The following POU6F1 variants were observed in gnomAD, a reference collection of about 807,000 sequenced individuals.
POU6F1 encodes POU domain, class 6, transcription factor 1.
Under a neutral mutation model 28.9 loss-of-function variants are expected in POU6F1, and 9 were observed. The ratio of observed to expected loss-of-function variants is 0.31; its 90% confidence interval spans 0.19 to 0.54. The LOEUF is 0.54. Ranked by LOEUF, POU6F1 falls within the 20% of genes least tolerant of loss-of-function variation. POU6F1 has a pLI of 0.94. For missense variants in POU6F1, 338 were observed against 426.1 expected, an observed-to-expected ratio of 0.79 and a Z score of 1.82; for synonymous variants, 173 against 171.1, an observed-to-expected ratio of 1.01 and a Z score of -0.09.
At chr12:51,197,049 CCGG>C in intron 6 of POU6F1, 122 bp from the exon 7 acceptor site, 2 of 600,808 alleles carry the variant, frequency 3.3e-6, no homozygotes, top group Admixed American at 2.9e-5. Flanking sequence ...CCCATGTCTA[CCGG>C]CTGGATGGTT....
chr12:51,214,134 T>G (rs1279149136), intron 1 of POU6F1, among the ~76,000 whole-genome samples: 1 of 150,558 alleles, frequency 6.6e-6, no homozygotes, highest in Non-Finnish European at 1.5e-5. Flanking sequence ...ACAGTGAGAC[T>G]CTATGTCAAA....
intron 7 of POU6F1, 88 bp downstream of exon 7, chr12:51,196,711 C>T: frequency 6.7e-7 from 1 of 1,498,832 alleles, no homozygotes; most frequent in Non-Finnish European, 9.2e-7. Context: ...GTTCGAGTTT[C>T]TATGACCCAC....
At chr12:51,216,595 C>A (rs1337139064) in intron 1 of POU6F1, among the ~76,000 whole-genome samples, 1 of 152,106 alleles carries the variant, frequency 6.6e-6, no homozygotes. Flanking sequence ...ACTTTGAGGA[C>A]CAGGACTTGA....
rs1229420227 is a variant in POU6F1 at position 51,190,299 on chromosome 12, C to A, written c.1784G>T (p.Arg595Leu). ...REVVRVWFCN[R>L]RQTLKNTSKL... is the part of the protein sequence containing the mutation. ...GCTGGTGTTCTTGAGCGTCTGGCGCCGATTGCAGAACCAGACCCGCACTAC... is the reference window on the plus strand; with the variant it reads ...GCTGGTGTTCTTGAGCGTCTGGCGCAGATTGCAGAACCAGACCCGCACTAC... Residue 595 changes from arginine to leucine, a missense_variant, in exon 11 of 11, where the codon CGG (arginine) becomes CTG (leucine). Physicochemically the swap from Arg to Leu is moderately radical, Grantham distance 102 (BLOSUM62 -2). Coordinates refer to ENST00000333640, the MANE Select transcript of POU6F1 (RefSeq NM_001330422.2). The surrounding 1 kb of genome is among the most constrained non-coding windows in gnomAD (Gnocchi z 4.5). The A allele has an allele frequency of 1.9e-6, 3 of 1,614,180 alleles. No individual in the cohort carries two copies. The highest frequency in any genetic ancestry group is 2.5e-6 in the Non-Finnish European group (3 of 1,180,034).
intron 3 of POU6F1, among the ~76,000 whole-genome samples, chr12:51,202,984 C>T (rs1943326506): frequency 6.6e-6 from 1 of 152,096 alleles, no homozygotes; most frequent in African/African-American, 2.4e-5. Flanking sequence ...TAATACTGCA[C>T]ACCTAGGAAG....
intron 2 of POU6F1, among the ~76,000 whole-genome samples, chr12:51,206,345 C>T (rs1377123938): frequency 4.0e-5 from 6 of 151,044 alleles, no homozygotes; most frequent in Non-Finnish European, 8.9e-5. Flanking sequence ...ATGGTGTGAA[C>T]CCGGGAGGCG....
Position 51,206,849 on chromosome 12 carries a change from G to T in POU6F1, c.-13C>A. 2.5e-6 allele frequency: 1 copy of T among 398,800 alleles called. No individual in the cohort carries two copies. Among genetic ancestry groups the T allele is most frequent in the Non-Finnish European group, 4.4e-6 (1 of 226,062 alleles). The allele number at this position is 398,800 out of a possible 1,614,324, so 24.7% of individuals were successfully genotyped here. A position where few individuals can be genotyped will look rare whatever the true frequency, so the allele number is the denominator to read the frequency against. On this transcript the variant is annotated 5_prime_UTR_variant, in exon 2 of 11. The change creates a new upstream start codon in the 5' untranslated region. Transcript: ENST00000333640. ...CTCCAGGATCCATGGTCACTTGTCA[G>T]GGTCGGGTGGGGGCCGGCCCACACC...
In POU6F1 at chr12:51,190,262, G is replaced by T; in HGVS notation, c.1821C>A (p.Val607=). 1 of 1,614,138 alleles carries T rather than the reference G, an allele frequency of 6.2e-7. No homozygotes were observed. Among genetic ancestry groups the T allele is most frequent in the Middle Eastern group, 1.7e-4 (1 of 6,058 alleles). ...QTLKNTSKLN[V]FQIP is the part of the protein sequence containing the mutation. ...GGGCTGAGCCCTAAGGGATCTGAAA[G>T]ACGTTCAGCTTGCTGGTGTTCTTGA... The change falls in exon 11 of 11, where the codon GTC becomes GTA. Residue 607 remains valine, a synonymous_variant. Transcript: ENST00000333640. This position sits in a 1 kb window ranked among gnomAD's most constrained non-coding sequence, Gnocchi z 4.5.
At chr12:51,204,093 T>A (rs999414682) in intron 3 of POU6F1, 80 bp downstream of exon 3, 12 of 398,730 alleles carry the variant, frequency 3.0e-5, no homozygotes, top group African/African-American at 1.8e-4. Context: ...CCCCAGGGAT[T>A]CATGCTGGCT....
intron 7 of POU6F1, 50 bp from the exon 8 acceptor site, chr12:51,196,223 C>A: frequency 7.2e-7 from 1 of 1,382,288 alleles, no homozygotes; most frequent in Non-Finnish European, 9.6e-7. Context: ...GCATCCAGCT[C>A]CACCCCAAAC....
At chr12:51,203,217 C>T (rs959318570) in intron 3 of POU6F1, among the ~76,000 whole-genome samples, 3 of 152,064 alleles carry the variant, frequency 2.0e-5, no homozygotes, top group African/African-American at 4.8e-5. Flanking sequence ...ATTAAGGCAC[C>T]AGAGGAAATG....
rs2137073343 is a variant in POU6F1, at chr12:51,187,885, A to G, written c.*2362T>C. 6.6e-6 allele frequency: 1 copy of G among 152,324 alleles called. No individual in the cohort carries two copies. The highest frequency in any genetic ancestry group is 2.1e-4 in the South Asian group (1 of 4,832). 9.4% of individuals were successfully genotyped at this position (152,324 alleles called of 1,614,324 possible). A position where few individuals can be genotyped will look rare whatever the true frequency, so the allele number is the denominator to read the frequency against. Reference sequence around the variant, plus strand: ...GTGACCCATTTGTCTCTCTCAAAAAAGAAAGCATACCTGAATGCAAGCGTC... The same window carrying G: ...GTGACCCATTTGTCTCTCTCAAAAAGGAAAGCATACCTGAATGCAAGCGTC... On this transcript the variant is annotated 3_prime_UTR_variant, in exon 11 of 11. Transcript: ENST00000333640.
chr12:51,211,521 T>C (rs1405125695), intron 1 of POU6F1, among the ~76,000 whole-genome samples: 1 of 152,130 alleles, frequency 6.6e-6, no homozygotes, highest in Non-Finnish European at 1.5e-5. Flanking sequence ...AGGGGGAGGA[T>C]TGCTTGAGCT....
rs1337398126 is a variant in POU6F1, at chr12:51,190,750, T to G, written c.1491-158A>C. Among the ~76,000 whole-genome samples the G allele has an allele frequency of 6.6e-6, 1 of 152,048 alleles. No individual in the cohort carries two copies. The highest frequency in any genetic ancestry group is 1.5e-5 in the Non-Finnish European group (1 of 67,992). On this transcript the variant is annotated intron_variant, in intron 10 of 10. Coordinates refer to ENST00000333640, the MANE Select transcript of POU6F1 (RefSeq NM_001330422.2). The surrounding 1 kb of genome is among the most constrained non-coding windows in gnomAD (Gnocchi z 4.5). ...CCCTCACCACCTCCACCAAGACCCC[T>G]CTAGTTTGGCCAAGCCCAGACTCCT...
At position 51,189,572 on chromosome 12, in the gene POU6F1, T is replaced by C; in HGVS notation, c.*675A>G. On this transcript the variant is annotated 3_prime_UTR_variant, in exon 11 of 11. Transcript: ENST00000333640. ...AAGAAAAGGTTCTGTTTTAGTGCAA[T>C]TTTCCCCGCAAAGGAACCAGGAAGA... 6.6e-6 allele frequency: 1 copy of C among 152,586 alleles called. No homozygotes were observed. The highest frequency in any genetic ancestry group is 1.9e-4 in the East Asian group (1 of 5,198). The allele number at this position is 152,586 out of a possible 1,614,324, so 9.5% of individuals were successfully genotyped here.
rs141598629 is a variant in POU6F1, at chr12:51,213,880, C to T, written c.-48+3762G>A. On this transcript the variant is annotated intron_variant, in intron 1 of 10. Transcript: ENST00000333640. The stretch of plus-strand genomic sequence containing the variant: ...TGACTAGGCCAGGCGCAGTGGCTCA[C>T]ACCTGTAATTCCAGCACTTTGGGAG... Among the ~76,000 whole-genome samples, 683 of 152,024 alleles carry T rather than the reference C, an allele frequency of 4.5e-3. 6 individuals carry two copies. The highest frequency in any genetic ancestry group is 0.016 in the African/African-American group (644 of 41,510).
rs1031362189 is a variant in POU6F1, at chr12:51,198,649, C to T, written c.493G>A (p.Val165Met). ...GQVAGQQGLA[V>M]WTIPTATVAA... ...ACAGTTGCTGTAGGAATTGTCCACACGGCCAGCCCCTGCTGACCAGCCACT... is the reference window on the plus strand; with the variant it reads ...ACAGTTGCTGTAGGAATTGTCCACATGGCCAGCCCCTGCTGACCAGCCACT... The change falls in exon 5 of 11, where the codon GTG (valine) becomes ATG (methionine). Residue 165 changes from valine (V) to methionine (M), a missense_variant. By Grantham distance (21) the Val-to-Met change is conservative. Transcript: ENST00000333640. 1.3e-4 allele frequency: 51 copies of T among 399,234 alleles called. 1 individual carries two copies. The Admixed American group carries it at 1.5e-3, about 11-fold the overall frequency. The allele number at this position is 399,234 out of a possible 1,614,324, so 24.7% of individuals were successfully genotyped here.
rs1225030359 is a variant in POU6F1, at chr12:51,191,883, A to G, written c.1322-119T>C. On this transcript the variant is annotated intron_variant, in intron 9 of 10. Coordinates refer to ENST00000333640, the MANE Select transcript of POU6F1 (RefSeq NM_001330422.2). ...GGTGAGGACACCTGGGAAAAGGCTC[A>G]CGCACCTTCAAGACTCTTATCACCT... The G allele has an allele frequency of 2.3e-5, 29 of 1,247,982 alleles. No individual in the cohort carries two copies. The East Asian group carries it at 6.8e-4, about 29-fold the overall frequency. 77.3% of individuals were successfully genotyped at this position (1,247,982 alleles called of 1,614,324 possible).
At chr12:51,191,402 A>G (rs1243163897) in intron 10 of POU6F1, among the ~76,000 whole-genome samples, 194 bp downstream of exon 10, 1 of 152,178 alleles carries the variant, frequency 6.6e-6, no homozygotes, top group Non-Finnish European at 1.5e-5. Flanking sequence ...TCTTCAGAGG[A>G]CCTCAGAAGG....
Sources: allele counts gnomAD v4.1 joint callset (sites outside exome capture counted in the v4.1 genomes callset), GRCh38; gene constraint gnomAD v4.1.1; non-coding constraint Gnocchi (gnomAD v3.1); transcripts MANE v1.5; gene names NCBI Gene and HGNC (gene_info 2026-07-23, HGNC 2026-07-21).